The following TRIM37 variants were observed in gnomAD, a reference collection of about 807,000 sequenced individuals.
The protein encoded by TRIM37 is E3 ubiquitin-protein ligase TRIM37.
In TRIM37, 80 loss-of-function variants were observed where a neutral mutation model predicts 129.8. That is an observed-to-expected ratio of 0.62 (90% CI 0.51 to 0.74). The LOEUF is 0.74. Among genes scored for constraint, TRIM37 ranks in the 30% least tolerant of loss-of-function variants. TRIM37 has a pLI of 0.00. For missense variants in TRIM37, 1,054 were observed against 1,176.5 expected, an observed-to-expected ratio of 0.90 and a Z score of 1.52; for synonymous variants, 389 against 387.1, an observed-to-expected ratio of 1.00 and a Z score of -0.06.
At chr17:59,100,551 T>C (rs917052067) in intron 2 of TRIM37, among the ~76,000 whole-genome samples, 22 of 152,128 alleles carry the variant, frequency 1.4e-4, no homozygotes, top group African/African-American at 4.8e-4. Flanking sequence ...TCTTTTTCCA[T>C]CCCCCTTATC....
intron 13 of TRIM37, among the ~76,000 whole-genome samples, chr17:59,055,475 A>C (rs1468401196): frequency 6.6e-6 from 1 of 151,774 alleles, no homozygotes; most frequent in Non-Finnish European, 1.5e-5. Flanking sequence ...CAGGAGGCTC[A>C]AGAGGTCAGG....
At chr17:59,059,271 G>T (rs1017780103) in intron 12 of TRIM37, 3 of 152,444 alleles carry the variant, frequency 2.0e-5, no homozygotes, top group African/African-American at 7.2e-5. Flanking sequence ...ATTTTGGGAG[G>T]CTGAGGCAGG....
In TRIM37 at chr17:59,032,106, A is replaced by G. The variant is rs1294856367; in HGVS notation, c.1754-16T>C. The G allele has an allele frequency of 5.0e-6, 8 of 1,611,612 alleles. No homozygotes were observed. Among genetic ancestry groups the G allele is most frequent in the Admixed American group, 1.7e-5 (1 of 60,012 alleles). On this transcript the variant is annotated splice_polypyrimidine_tract_variant and intron_variant, in intron 17 of 23. Coordinates refer to ENST00000262294, the MANE Select transcript of TRIM37 (RefSeq NM_015294.6). ...TGGCTACTACCTGCAAAAGAGGCGT[A>G]GAAAATGATATATATATGCACAAAC...
chr17:59,062,029 T>C (rs1202913469), intron 11 of TRIM37, among the ~76,000 whole-genome samples: 1 of 141,726 alleles, frequency 7.1e-6, no homozygotes, highest in Non-Finnish European at 1.5e-5. Flanking sequence ...AAAACTTTTC[T>C]AAAAAAAAAA....
intron 21 of TRIM37, among the ~76,000 whole-genome samples, chr17:59,015,116 A>T (rs1285197614): frequency 6.6e-6 from 1 of 151,078 alleles, no homozygotes; most frequent in Non-Finnish European, 1.5e-5. Context: ...TTAAAAAAAA[A>T]AAAGTAAAAT....
chr17:59,046,000 A>G (rs950319076), intron 16 of TRIM37, among the ~76,000 whole-genome samples: 29 of 151,936 alleles, frequency 1.9e-4, no homozygotes, highest in African/African-American at 6.5e-4. Flanking sequence ...TGGGTGACAG[A>G]GCAAGACTCC....
chr17:58,983,148 A>AG (rs1028872594), intron 24 of TRIM37: 22 of 477,154 alleles, frequency 4.6e-5, no homozygotes, highest in Non-Finnish European at 7.9e-5. Context: ...ACCCATCTTT[A>AG]GGGGTCTGGA....
chr17:59,054,100 G>A (rs907428706), intron 13 of TRIM37, among the ~76,000 whole-genome samples: 6 of 152,038 alleles, frequency 3.9e-5, no homozygotes, highest in Admixed American at 1.3e-4. Context: ...AAAGAGCTCC[G>A]AATAAGGGAA....
At chr17:59,102,451 C>T (rs559601131) in intron 2 of TRIM37, among the ~76,000 whole-genome samples, 1 of 152,322 alleles carries the variant, frequency 6.6e-6, no homozygotes, top group South Asian at 2.1e-4. Flanking sequence ...ATCAGTTTCA[C>T]TGTTTATTAA....
At chr17:58,995,404 TAA>T (rs1218900988), downstream of TRIM37, among the ~76,000 whole-genome samples, 2 of 120,726 alleles carry the variant, frequency 1.7e-5, no homozygotes, top group African/African-American at 3.1e-5. Flanking sequence ...AAGAAATGCT[TAA>T]AAAAAAAAAA....
At chr17:59,072,604 T>A (rs1328612408) in intron 8 of TRIM37, among the ~76,000 whole-genome samples, 1 of 151,870 alleles carries the variant, frequency 6.6e-6, no homozygotes, top group Non-Finnish European at 1.5e-5. Flanking sequence ...AACAATTAGC[T>A]GGGCGTGGTG....
intron 14 of TRIM37, among the ~76,000 whole-genome samples, chr17:59,050,088 T>C (rs1265441183): frequency 6.6e-6 from 1 of 152,222 alleles, no homozygotes; most frequent in Admixed American, 6.6e-5. Flanking sequence ...AAATGAAACA[T>C]TCCTTAGTTT....
At chr17:59,030,379 T>C (rs2037719028) in intron 18 of TRIM37, among the ~76,000 whole-genome samples, 1 of 152,232 alleles carries the variant, frequency 6.6e-6, no homozygotes, top group Non-Finnish European at 1.5e-5. Context: ...AGTGTTGAGA[T>C]TACAGGCGTG....
At chr17:59,062,433 G>T in intron 11 of TRIM37, 134 bp downstream of exon 11, 1 of 723,476 alleles carries the variant, frequency 1.4e-6, no homozygotes, top group Non-Finnish European at 2.4e-6. Flanking sequence ...GGAAGAAGGG[G>T]AACAGGGAAT....
intron 2 of TRIM37, among the ~76,000 whole-genome samples, chr17:59,101,917 C>T (rs930316066): frequency 6.8e-6 from 1 of 147,530 alleles, no homozygotes; most frequent in Non-Finnish European, 1.5e-5. Context: ...TTAGCCTGGG[C>T]AACAGAGCAA....
chr17:59,085,979 T>C (rs747003504), intron 4 of TRIM37, among the ~76,000 whole-genome samples: 46 of 152,050 alleles, frequency 3.0e-4, no homozygotes, highest in Non-Finnish European at 4.9e-4. Context: ...GTATCTAGAG[T>C]ACTCAAACAG....
At chr17:58,978,570 G>A (rs929189281), downstream of TRIM37, among the ~76,000 whole-genome samples, 1 of 152,124 alleles carries the variant, frequency 6.6e-6, no homozygotes, top group Admixed American at 6.5e-5. Flanking sequence ...AATTAGCCAG[G>A]TGTGGTGGCG....
At chr17:59,000,495 G>T (rs1030370015) in intron 23 of TRIM37, among the ~76,000 whole-genome samples, 2 of 152,122 alleles carry the variant, frequency 1.3e-5, no homozygotes, top group African/African-American at 4.8e-5. Flanking sequence ...CAGCTATTCA[G>T]GAGGCTGAGG....
rs144901534 is a variant in TRIM37, at chr17:59,064,474, A to G, written c.810-69T>C. On this transcript the variant is annotated intron_variant, in intron 9 of 23. Transcript: ENST00000262294. ...AAAATTCCATTTGCCTAAAAAAGCC[A>G]AGTCCCTCACTAGTATCTTAAAAAC... 554 of 1,163,752 alleles carry G rather than the reference A, an allele frequency of 4.8e-4. 2 individuals carry two copies. The Middle Eastern group carries it at 5.4e-3, about 11-fold the overall frequency. The allele number at this position is 1,163,752 out of a possible 1,614,324, so 72.1% of individuals were successfully genotyped here.
Sources: gnomAD v4.1 joint callset for allele counts (sites outside exome capture counted in the v4.1 genomes callset) on GRCh38, gnomAD v4.1.1 for gene constraint, MANE v1.5 for transcripts, NCBI Gene and HGNC (gene_info 2026-07-23, HGNC 2026-07-21) for gene names.